Variants in DNM3 observed in about 807,000 individuals in gnomAD.
DNM3 encodes dynamin-3.
In DNM3, 47 loss-of-function variants were observed where a neutral mutation model predicts 101.6. The observed-to-expected ratio is 0.46, with a 90% CI of 0.37 to 0.59. DNM3 has a LOEUF of 0.59. DNM3 is among the 20% of genes least tolerant of loss of function. The probability of loss-of-function intolerance (pLI) is 0.00; values close to 1 mark genes in which losing one functional copy is unlikely to be tolerated. For synonymous variants in DNM3, 385 were observed against 387.9 expected, an observed-to-expected ratio of 0.99 and a Z score of 0.09; for missense variants, 849 against 1,085.7, an observed-to-expected ratio of 0.78 and a Z score of 3.06.
intron 15 of DNM3, among the ~76,000 whole-genome samples, chr1:172,266,264 A>C (rs916774788): frequency 6.6e-6 from 1 of 152,146 alleles, no homozygotes; most frequent in Admixed American, 6.5e-5. Flanking sequence ...TGTTTGAAAA[A>C]GTGTTTAAAT....
At chr1:171,910,844 G>A (rs1464979000) in intron 1 of DNM3, among the ~76,000 whole-genome samples, 1 of 152,118 alleles carries the variant, frequency 6.6e-6, no homozygotes, top group Admixed American at 6.5e-5. Context: ...TGGGCTCCTG[G>A]TACTTTTGGA....
intron 14 of DNM3, among the ~76,000 whole-genome samples, chr1:172,208,293 T>C (rs1276134651): frequency 6.6e-6 from 1 of 152,122 alleles, no homozygotes; most frequent in African/African-American, 2.4e-5. Flanking sequence ...ATCTAGATCA[T>C]GTTTTGCTGA....
intron 14 of DNM3, among the ~76,000 whole-genome samples, chr1:172,211,904 G>A (rs1054572285): frequency 6.6e-6 from 1 of 152,128 alleles, no homozygotes; most frequent in African/African-American, 2.4e-5. Flanking sequence ...GTGTCTGTCT[G>A]CCTTATGAGA....
chr1:172,131,770 G>A (rs1572645623), intron 14 of DNM3: 1 of 383,842 alleles, frequency 2.6e-6, no homozygotes, highest in Non-Finnish European at 5.1e-6. Flanking sequence ...CTTCAAGTGA[G>A]TCTCAGATCA....
chr1:172,301,667 A>C (rs1289226047), intron 15 of DNM3, among the ~76,000 whole-genome samples: 2 of 152,208 alleles, frequency 1.3e-5, no homozygotes, highest in African/African-American at 4.8e-5. Flanking sequence ...TTAATTATCT[A>C]ATATTAGGAG....
chr1:172,290,625 C>G (rs1573317601), intron 15 of DNM3, among the ~76,000 whole-genome samples: 1 of 152,072 alleles, frequency 6.6e-6, no homozygotes, highest in African/African-American at 2.4e-5. Context: ...TCTGTGGCTT[C>G]TTTGTGGCGA....
At chr1:172,226,469 G>T (rs2061126784) in intron 14 of DNM3, among the ~76,000 whole-genome samples, 1 of 151,962 alleles carries the variant, frequency 6.6e-6, no homozygotes, top group African/African-American at 2.4e-5. Context: ...TTTCTTTTTT[G>T]GACTGCAGAG....
intron 15 of DNM3, among the ~76,000 whole-genome samples, chr1:172,294,656 T>G (rs922507615): frequency 2.6e-5 from 4 of 152,184 alleles, no homozygotes; most frequent in African/African-American, 9.6e-5. Context: ...CTCAAACCTG[T>G]AATCCCAGCA....
At chr1:171,926,041 G>C (rs2040544062) in intron 2 of DNM3, among the ~76,000 whole-genome samples, 1 of 152,074 alleles carries the variant, frequency 6.6e-6, no homozygotes, top group Non-Finnish European at 1.5e-5. Flanking sequence ...TGAGTTCTCT[G>C]TTCTTTTACA....
intron 1 of DNM3, among the ~76,000 whole-genome samples, chr1:171,898,730 G>A (rs2038039278): frequency 1.3e-5 from 2 of 150,984 alleles, no homozygotes; most frequent in South Asian, 2.1e-4. Flanking sequence ...AAATCATATT[G>A]TACATTTGGG....
At chr1:172,344,773 C>T (rs1221526301) in intron 17 of DNM3, among the ~76,000 whole-genome samples, 3 of 152,288 alleles carry the variant, frequency 2.0e-5, no homozygotes, top group Admixed American at 2.0e-4. Context: ...AGACTCAGCT[C>T]AAACTCGAAA....
Position 172,268,409 on chromosome 1 carries a change from G to T in DNM3, c.1769+14727G>T, listed in dbSNP as rs556594344. Among the ~76,000 whole-genome samples the T allele has an allele frequency of 7.9e-5, 12 of 152,200 alleles. No homozygotes were observed. In the South Asian group the frequency reaches 2.5e-3, roughly 32 times the overall value. On this transcript the variant is annotated intron_variant, in intron 15 of 20. Transcript: ENST00000627582. ...ATTGCAAAGATATTTGTTGTCATAT[G>T]GTTCTGATCCTGCTTGTTACAAGTT...
At chr1:171,919,474 A>G (rs2039987346) in intron 1 of DNM3, among the ~76,000 whole-genome samples, 1 of 151,614 alleles carries the variant, frequency 6.6e-6, no homozygotes, top group Non-Finnish European at 1.5e-5. Context: ...TGTCCCTGCA[A>G]AGGACATAAA....
intron 4 of DNM3, among the ~76,000 whole-genome samples, chr1:172,003,579 C>T (rs1172210060): frequency 2.0e-5 from 3 of 151,824 alleles, no homozygotes; most frequent in African/African-American, 4.8e-5. Context: ...TATTTCTTCC[C>T]CCTCCCCTTC....
chr1:172,068,930 G>A (rs1395985724), intron 11 of DNM3, 25 bp downstream of exon 11: 4 of 1,544,600 alleles, frequency 2.6e-6, no homozygotes, highest in Non-Finnish European at 3.5e-6. Flanking sequence ...TCCCTGGTGG[G>A]CAGGGAGATT....
chr1:172,240,393 G>A (rs1369256860), intron 14 of DNM3, among the ~76,000 whole-genome samples: 1 of 152,076 alleles, frequency 6.6e-6, no homozygotes, highest in African/African-American at 2.4e-5. Flanking sequence ...ACAAATGATG[G>A]GGGGAAATTT....
At chr1:171,842,941 A>G (rs978346079) in intron 1 of DNM3, among the ~76,000 whole-genome samples, 3 of 152,236 alleles carry the variant, frequency 2.0e-5, no homozygotes, top group African/African-American at 7.2e-5. Flanking sequence ...GTAGAAATGT[A>G]CAGTATCCAA....
chr1:172,098,955 G>C (rs183373051), intron 13 of DNM3, among the ~76,000 whole-genome samples: 26 of 152,264 alleles, frequency 1.7e-4, no homozygotes, highest in Admixed American at 1.5e-3. Flanking sequence ...ACTATCTGAG[G>C]GTCCAGTGAT....
At chr1:171,935,476 A>C (rs1180845494) in intron 2 of DNM3, among the ~76,000 whole-genome samples, 1 of 152,140 alleles carries the variant, frequency 6.6e-6, no homozygotes, top group Non-Finnish European at 1.5e-5. Context: ...GACATTTCTG[A>C]AGGTGTGGCT....
Sources: allele counts gnomAD v4.1 joint callset (sites outside exome capture counted in the v4.1 genomes callset), GRCh38; gene constraint gnomAD v4.1.1; transcripts MANE v1.5; gene names NCBI Gene and HGNC (gene_info 2026-07-23, HGNC 2026-07-21).